Variants in PRKN observed in about 807,000 individuals in gnomAD.
The protein encoded by PRKN is parkin RBR E3 ubiquitin protein ligase, also known as E3 ubiquitin-protein ligase parkin.
PRKN carries 56 observed loss-of-function variants against 59.5 expected under a neutral mutation model. The ratio of observed to expected loss-of-function variants is 0.94; its 90% CI spans 0.76 to 1.18. PRKN has a LOEUF of 1.18. PRKN is among the 50% of genes most tolerant of loss of function. The pLI is 0.00. For synonymous variants in PRKN, 250 were observed against 222.1 expected (o/e 1.13, Z -1.12); for missense variants, 657 against 596.4 (o/e 1.10, Z -1.06).
At chr6:162,586,171 G>A (rs992192814) in intron 1 of PRKN, among the ~76,000 whole-genome samples, 1 of 152,248 alleles carries the variant, frequency 6.6e-6, no homozygotes, top group East Asian at 1.9e-4. Flanking sequence ...TGGGTAATAA[G>A]GGGAAAGTTG....
intron 6 of PRKN, among the ~76,000 whole-genome samples, chr6:161,826,744 T>G (rs1009305167): frequency 5.3e-5 from 8 of 152,242 alleles, no homozygotes; most frequent in Admixed American, 6.5e-5. Flanking sequence ...ATACATTTGC[T>G]TGGTATCCTT....
intron 5 of PRKN, among the ~76,000 whole-genome samples, chr6:162,050,473 TC>T (rs1465618370): frequency 3.1e-3 from 99 of 32,344 alleles, no homozygotes; most frequent in South Asian, 1.3e-3. Flanking sequence ...TCACCCCCTC[TC>T]TTTTTTTTTC....
chr6:162,463,462 T>C (rs111549526), intron 1 of PRKN, among the ~76,000 whole-genome samples: 1 of 152,320 alleles, frequency 6.6e-6, no homozygotes, highest in African/African-American at 2.4e-5. Flanking sequence ...AGCATCCTTA[T>C]AAGACAAAGG....
At chr6:162,430,170 C>CGAT (rs200540756) in intron 2 of PRKN, among the ~76,000 whole-genome samples, 10,258 of 141,446 alleles carry the variant, frequency 0.073, 370 homozygotes, top group South Asian at 0.14. Flanking sequence ...ACGACGACGA[C>CGAT]GACGATGATG....
chr6:162,407,708 G>A (rs1015724866), intron 2 of PRKN, among the ~76,000 whole-genome samples: 8 of 150,820 alleles, frequency 5.3e-5, no homozygotes, highest in Non-Finnish European at 1.0e-4. Context: ...CAGTTACAGG[G>A]TATAAAATAC....
At chr6:162,630,539 T>C (rs910348395) in intron 1 of PRKN, among the ~76,000 whole-genome samples, 1 of 152,180 alleles carries the variant, frequency 6.6e-6, no homozygotes, top group South Asian at 2.1e-4. Context: ...AGAACATGAC[T>C]TCTATCTAGT....
chr6:162,388,583 G>A lies in PRKN; in HGVS notation c.171+54727C>T, dbSNP rs144265735. On this transcript the variant is annotated intron_variant, in intron 2 of 11. Transcript: ENST00000366898. ...CCAAGCCAAAGGTCTCTAAGGACAG[G>A]TGTGTTAATAACACCACTGCCATGG... Among the ~76,000 whole-genome samples, 877 of 152,260 alleles carry A rather than the reference G, an allele frequency of 5.8e-3. 2 individuals carry two copies. The highest frequency in any genetic ancestry group is 0.015 in the African/African-American group (626 of 41,538).
At chr6:161,398,008 G>A in intron 9 of PRKN, among the ~76,000 whole-genome samples, 1 of 152,176 alleles carries the variant, frequency 6.6e-6, no homozygotes, top group East Asian at 1.9e-4. Context: ...GAAGACGCTA[G>A]CCAGAGAGGG....
chr6:162,266,370 A>C (rs1166674260), intron 2 of PRKN: 1 of 152,572 alleles, frequency 6.6e-6, no homozygotes, highest in African/African-American at 2.4e-5. Context: ...CTTATTTTAG[A>C]AATACTTGAG....
intron 6 of PRKN, among the ~76,000 whole-genome samples, chr6:161,972,274 CAAAA>C (rs34466786): frequency 1.1e-5 from 1 of 91,386 alleles, no homozygotes; most frequent in Non-Finnish European, 2.2e-5. Context: ...AACTCCTTCT[CAAAA>C]AAAAAAAAAA....
intron 4 of PRKN, among the ~76,000 whole-genome samples, chr6:162,128,457 A>G (rs1361861204): frequency 6.6e-6 from 1 of 152,124 alleles, no homozygotes; most frequent in Admixed American, 6.6e-5. Flanking sequence ...GTATGTGGCA[A>G]AAAGTGAGAG....
At chr6:162,476,384 G>C (rs1403176698) in intron 1 of PRKN, among the ~76,000 whole-genome samples, 1 of 152,082 alleles carries the variant, frequency 6.6e-6, no homozygotes, top group African/African-American at 2.4e-5. Context: ...CTCTTTTTGA[G>C]GGTAGGGTTC....
rs1030089135 is a variant in PRKN, at chr6:161,582,264, T to C, written c.872-12848A>G. On this transcript the variant is annotated intron_variant, in intron 7 of 11. Transcript: ENST00000366898. This position sits in a 1 kb window ranked among gnomAD's most constrained non-coding sequence, Gnocchi z 4.4. ...TTTTATAATAGCAGAAACATTCCTA[T>C]ATGAGAACACCAACTCTTGTTAAAA... is the stretch of plus-strand genomic sequence containing the variant. 1.3e-5 allele frequency among the ~76,000 whole-genome samples: 2 copies of C among 152,142 alleles called. No homozygotes were observed. The highest frequency in any genetic ancestry group is 4.8e-5 in the African/African-American group (2 of 41,440).
At chr6:161,723,202 G>A (rs1002293460) in intron 7 of PRKN, among the ~76,000 whole-genome samples, 10 of 151,606 alleles carry the variant, frequency 6.6e-5, no homozygotes, top group African/African-American at 2.4e-4. Context: ...CCAGGAGGCA[G>A]AGTTTGCAGT....
chr6:162,487,012 G>A (rs937731243), intron 1 of PRKN, among the ~76,000 whole-genome samples: 1 of 152,076 alleles, frequency 6.6e-6, no homozygotes, highest in South Asian at 2.1e-4. Context: ...AGAGGTTGCA[G>A]TGAGCCAAGA....
chr6:162,119,053 T>A (rs1780796001), intron 4 of PRKN, among the ~76,000 whole-genome samples: 1 of 152,192 alleles, frequency 6.6e-6, no homozygotes, highest in African/African-American at 2.4e-5. Flanking sequence ...AGATAGATAT[T>A]ATAGTAGTAA....
intron 3 of PRKN, among the ~76,000 whole-genome samples, chr6:162,232,640 A>C (rs1049226209): frequency 6.6e-6 from 1 of 152,144 alleles, no homozygotes; most frequent in African/African-American, 2.4e-5. Flanking sequence ...TAATATTAGC[A>C]AAAGGCTTTG....
chr6:162,271,538 G>A (rs6912294), intron 2 of PRKN: 58,533 of 148,150 alleles, frequency 0.4, 15,197 homozygotes, highest in African/African-American at 0.74. Flanking sequence ...GCGAGACTCC[G>A]TCTCAAAAAA....
intron 9 of PRKN, among the ~76,000 whole-genome samples, chr6:161,516,304 AC>A (rs1430491792): frequency 6.6e-6 from 1 of 151,306 alleles, no homozygotes; most frequent in East Asian, 2.0e-4. Context: ...AAAAACAAAA[AC>A]AATCCGCAAA....
Sources: allele counts gnomAD v4.1 joint callset (sites outside exome capture counted in the v4.1 genomes callset), GRCh38; gene constraint gnomAD v4.1.1; non-coding constraint Gnocchi (gnomAD v3.1); transcripts MANE v1.5; gene names NCBI Gene and HGNC (gene_info 2026-07-23, HGNC 2026-07-21).